The following AGMO variants were observed in gnomAD, a reference collection of about 807,000 sequenced individuals.
The protein encoded by AGMO is alkylglycerol monooxygenase.
In AGMO, 75 loss-of-function variants were observed where a neutral mutation model predicts 60.2. That is an observed-to-expected ratio of 1.25 (90% confidence interval 1.03 to 1.51). AGMO has a LOEUF of 1.51. Ranked by LOEUF, AGMO falls within the 40% of genes most tolerant of loss-of-function variation. The pLI is 0.00. For missense variants in AGMO, 763 were observed against 525.5 expected (o/e 1.45, Z -4.42); for synonymous variants, 261 against 177.1 (o/e 1.47, Z -3.76).
chr7:15,540,863 T>A (rs2115272530), intron 3 of AGMO, among the ~76,000 whole-genome samples: 1 of 152,246 alleles, frequency 6.6e-6, no homozygotes, highest in Non-Finnish European at 1.5e-5. Flanking sequence ...ATATAGAAAA[T>A]GTATAAATTT....
intron 12 of AGMO, among the ~76,000 whole-genome samples, chr7:15,354,311 C>T (rs1583445657): frequency 1.2e-5 from 1 of 84,794 alleles, no homozygotes; most frequent in Non-Finnish European, 2.2e-5. Flanking sequence ...TACGTGTATA[C>T]ACGCGTGTAT....
chr7:15,215,490 A>G (rs1433159496), intron 12 of AGMO, among the ~76,000 whole-genome samples: 8 of 152,018 alleles, frequency 5.3e-5, no homozygotes, highest in Admixed American at 5.3e-4. Flanking sequence ...AGTAGGAATG[A>G]TATTAGTACA....
intron 3 of AGMO, among the ~76,000 whole-genome samples, chr7:15,502,537 C>G (rs1209290326): frequency 6.6e-6 from 1 of 151,752 alleles, no homozygotes; most frequent in South Asian, 2.1e-4. Context: ...GCATTTGTAT[C>G]CTGTGTTGGC....
chr7:15,330,435 A>C (rs1781464694), intron 12 of AGMO, among the ~76,000 whole-genome samples: 1 of 152,156 alleles, frequency 6.6e-6, no homozygotes, highest in South Asian at 2.1e-4. Flanking sequence ...CACTGTCAAA[A>C]ACAGAACTGA....
At chr7:15,465,694 C>T (rs1350227291) in intron 3 of AGMO, among the ~76,000 whole-genome samples, 2 of 151,300 alleles carry the variant, frequency 1.3e-5, no homozygotes, top group Non-Finnish European at 2.9e-5. Flanking sequence ...AATCGTCTCT[C>T]CTCAGCCTCC....
At chr7:15,537,583 C>T (rs1784513838) in intron 3 of AGMO, among the ~76,000 whole-genome samples, 1 of 151,894 alleles carries the variant, frequency 6.6e-6, no homozygotes, top group South Asian at 2.1e-4. Flanking sequence ...CTAATTATTC[C>T]TGGAAATATT....
chr7:15,158,173 A>G, the AGMO span, among the ~76,000 whole-genome samples: 11 of 152,194 alleles, frequency 7.2e-5, no homozygotes, highest in Middle Eastern at 3.4e-3. Context: ...AGTTCCATGA[A>G]CCCTAGGCAC....
At chr7:15,330,956 G>C (rs990333777) in intron 12 of AGMO, among the ~76,000 whole-genome samples, 13 of 152,044 alleles carry the variant, frequency 8.6e-5, no homozygotes, top group African/African-American at 2.4e-4. Flanking sequence ...AGAATATCAT[G>C]GAAGTGATCT....
chr7:15,383,245 A>G (rs1040386623), intron 10 of AGMO, among the ~76,000 whole-genome samples: 39 of 152,156 alleles, frequency 2.6e-4, no homozygotes, highest in Non-Finnish European at 2.8e-4. Context: ...GAAGGGTCAC[A>G]GTTTACAGGA....
rs77034238 is a variant in AGMO, at chr7:15,432,365, C to T, written c.410-1257G>A. Among the ~76,000 whole-genome samples the T allele has an allele frequency of 8.0e-3, 739 of 92,578 alleles. 8 individuals are homozygous for T. Among genetic ancestry groups the T allele is most frequent in the African/African-American group, 0.027 (661 of 24,740 alleles). 60.7% of individuals were successfully genotyped at this position (92,578 alleles called of 152,430 possible). On this transcript the variant is annotated intron_variant, in intron 3 of 12. Transcript: ENST00000342526. ...ATATATACATACATATATATATACA[C>T]ACACATATATATATACACTATCTGG...
intron 1 of AGMO, among the ~76,000 whole-genome samples, chr7:15,560,934 A>C (rs947669408): frequency 6.6e-6 from 1 of 152,202 alleles, no homozygotes; most frequent in African/African-American, 2.4e-5. Context: ...TATCAGTGCC[A>C]CTTTTTTTAA....
At chr7:15,426,066 C>A (rs1781053790) in intron 4 of AGMO, among the ~76,000 whole-genome samples, 1 of 152,034 alleles carries the variant, frequency 6.6e-6, no homozygotes, top group Non-Finnish European at 1.5e-5. Context: ...AAAAGGTAAA[C>A]AAATTATATA....
intron 12 of AGMO, among the ~76,000 whole-genome samples, chr7:15,334,533 A>G (rs777192040): frequency 6.6e-6 from 1 of 152,144 alleles, no homozygotes. Flanking sequence ...CTTCATCAGA[A>G]TATCTGTTAG....
intron 10 of AGMO, among the ~76,000 whole-genome samples, chr7:15,377,242 A>G (rs560388088): frequency 2.0e-5 from 3 of 152,128 alleles, no homozygotes; most frequent in African/African-American, 7.2e-5. Context: ...AAAGAAAAAC[A>G]CATGTGGGAA....
the AGMO span, among the ~76,000 whole-genome samples, chr7:15,143,970 G>C: frequency 1.3e-5 from 2 of 152,090 alleles, no homozygotes; most frequent in Non-Finnish European, 2.9e-5. Flanking sequence ...CATTTCAATA[G>C]GAATCTTTAA....
chr7:15,348,617 C>G (rs189019167), intron 12 of AGMO, among the ~76,000 whole-genome samples: 40 of 152,108 alleles, frequency 2.6e-4, no homozygotes, highest in African/African-American at 7.9e-4. Context: ...CTTTGTAACA[C>G]TCGTGTATCT....
the AGMO span, among the ~76,000 whole-genome samples, chr7:15,122,836 T>C: frequency 6.6e-6 from 1 of 152,114 alleles, no homozygotes; most frequent in South Asian, 2.1e-4. Context: ...TCTCTCCTGA[T>C]TTCTATATTC....
intron 2 of AGMO, among the ~76,000 whole-genome samples, chr7:15,558,869 G>C (rs1429563844): frequency 6.6e-6 from 1 of 151,672 alleles, no homozygotes; most frequent in Non-Finnish European, 1.5e-5. Flanking sequence ...TTCCCACTGG[G>C]CGGTTAATAG....
intron 12 of AGMO, among the ~76,000 whole-genome samples, chr7:15,306,976 A>G (rs981654265): frequency 8.0e-6 from 1 of 124,762 alleles, no homozygotes; most frequent in African/African-American, 3.0e-5. Context: ...ATTTTGGTGA[A>G]TTTTAATATA....
Sources: gnomAD v4.1 joint callset for allele counts (sites outside exome capture counted in the v4.1 genomes callset) on GRCh38, gnomAD v4.1.1 for gene constraint, MANE v1.5 for transcripts, NCBI Gene and HGNC (gene_info 2026-07-23, HGNC 2026-07-21) for gene names.